FAF1: variants seen among roughly 807,000 people sequenced by gnomAD.
FAF1 encodes Fas associated factor 1.
In FAF1, 25 loss-of-function variants were observed where a neutral mutation model predicts 92.5. The ratio of observed to expected loss-of-function variants is 0.27; its 90% CI spans 0.20 to 0.38. The LOEUF (loss-of-function observed/expected upper bound fraction) is 0.38, where lower values mean the gene tolerates loss of function less well. FAF1 is among the 10% of genes least tolerant of loss of function. FAF1 has a pLI of 1.00. For synonymous variants in FAF1, 234 were observed against 273.2 expected (o/e 0.86, Z 1.42); for missense variants, 636 against 793.3 (o/e 0.80, Z 2.38).
At chr1:50,461,043 A>G (rs79197946) in intron 18 of FAF1, among the ~76,000 whole-genome samples, 7,322 of 152,254 alleles carry the variant, frequency 0.048, 214 homozygotes, top group East Asian at 0.076. Context: ...AGAGGCTCAC[A>G]AGAACTTAAC....
chr1:50,512,101 G>A (rs983984632), intron 15 of FAF1, among the ~76,000 whole-genome samples: 1 of 151,868 alleles, frequency 6.6e-6, no homozygotes, highest in Non-Finnish European at 1.5e-5. Flanking sequence ...TTTTTTTCTT[G>A]TTAACTTGTT....
chr1:50,697,434 C>T (rs1018082063), intron 7 of FAF1, among the ~76,000 whole-genome samples: 1 of 152,040 alleles, frequency 6.6e-6, no homozygotes, highest in Admixed American at 6.6e-5. Flanking sequence ...CTCTCTGGGC[C>T]CCCCTAGCAT....
chr1:50,575,394 T>G (rs1042897403), intron 12 of FAF1, among the ~76,000 whole-genome samples: 1 of 152,170 alleles, frequency 6.6e-6, no homozygotes, highest in African/African-American at 2.4e-5. Flanking sequence ...ACAGCAGGTT[T>G]GGTATGGTTG....
chr1:50,592,405 C>T (rs1651563038), intron 9 of FAF1, among the ~76,000 whole-genome samples: 2 of 151,986 alleles, frequency 1.3e-5, no homozygotes, highest in South Asian at 4.2e-4. Flanking sequence ...AAATTGTTAC[C>T]TAGCTAGGTA....
chr1:50,804,501 A>C (rs1662114699), intron 2 of FAF1, among the ~76,000 whole-genome samples: 1 of 152,196 alleles, frequency 6.6e-6, no homozygotes, highest in Non-Finnish European at 1.5e-5. Context: ...AGAAGAAACT[A>C]TAAGGAGCTA....
At chr1:50,500,744 CATAA>C (rs1223836765) in intron 15 of FAF1, among the ~76,000 whole-genome samples, 1 of 151,830 alleles carries the variant, frequency 6.6e-6, no homozygotes, top group African/African-American at 2.4e-5. Context: ...ATGTGTACCC[CATAA>C]ATATGTACAA....
intron 2 of FAF1, among the ~76,000 whole-genome samples, chr1:50,856,925 G>C (rs943236632): frequency 1.5e-4 from 22 of 151,700 alleles, no homozygotes; most frequent in African/African-American, 5.1e-4. Context: ...TTACAGAACA[G>C]AAGGTATAAA....
intron 8 of FAF1, among the ~76,000 whole-genome samples, chr1:50,653,294 T>C (rs767007592): frequency 7.2e-5 from 11 of 152,174 alleles, no homozygotes; most frequent in Non-Finnish European, 1.6e-4. Context: ...CAGAAACAAA[T>C]TTAAGCACCT....
chr1:50,837,159 T>C (rs897816091), intron 2 of FAF1, among the ~76,000 whole-genome samples: 10 of 152,184 alleles, frequency 6.6e-5, no homozygotes, highest in African/African-American at 2.2e-4. Context: ...GGTTTCACTG[T>C]GTTAGCCAGG....
At chr1:50,463,058 A>C (rs1380609715) in intron 18 of FAF1, among the ~76,000 whole-genome samples, 2 of 152,220 alleles carry the variant, frequency 1.3e-5, no homozygotes. Flanking sequence ...CATTATGCCT[A>C]AACTGTTTGT....
intron 6 of FAF1, among the ~76,000 whole-genome samples, chr1:50,738,225 C>T (rs1215493559): frequency 1.3e-5 from 2 of 151,940 alleles, no homozygotes; most frequent in East Asian, 3.9e-4. Context: ...GGGCAGATCA[C>T]CTAAGGTCAG....
At position 50,469,362 on chromosome 1, in the gene FAF1, C is replaced by T. The variant is rs922724441; in HGVS notation, c.1869+6102G>A. ...ACACCACACCTGTCTTGGTATCCCC[C>T]AAAGCTGACAGAAGAGGAGTGGGAT... On this transcript the variant is annotated intron_variant, in intron 18 of 18. Transcript: ENST00000396153. The T allele has an allele frequency of 3.3e-5, 5 of 152,176 alleles. No homozygotes were observed. The East Asian group carries it at 5.8e-4, about 18-fold the overall frequency. The allele number at this position is 152,176 out of a possible 1,614,324, so 9.4% of individuals were successfully genotyped here. A position where few individuals can be genotyped will look rare whatever the true frequency, so the allele number is the denominator to read the frequency against.
intron 7 of FAF1, among the ~76,000 whole-genome samples, chr1:50,668,825 A>G (rs1005275240): frequency 6.6e-6 from 1 of 152,196 alleles, no homozygotes; most frequent in Non-Finnish European, 1.5e-5. Flanking sequence ...CACTTAATGT[A>G]TTATTAAGAT....
At chr1:50,704,654 A>T (rs1180396846) in intron 7 of FAF1, among the ~76,000 whole-genome samples, 4 of 152,168 alleles carry the variant, frequency 2.6e-5, no homozygotes, top group Admixed American at 1.3e-4. Context: ...ATGAAATTAC[A>T]ATTTATACAT....
chr1:50,530,544 A>G (rs764078591), intron 15 of FAF1, among the ~76,000 whole-genome samples: 2 of 152,016 alleles, frequency 1.3e-5, no homozygotes, highest in Non-Finnish European at 2.9e-5. Flanking sequence ...AAAAGAATAG[A>G]AAGAATGAAT....
chr1:50,500,193 T>C (rs1436680461), intron 15 of FAF1, among the ~76,000 whole-genome samples: 2 of 152,030 alleles, frequency 1.3e-5, no homozygotes, highest in Non-Finnish European at 2.9e-5. Flanking sequence ...GGACCTACAA[T>C]AGCCAAAAGA....
intron 4 of FAF1, among the ~76,000 whole-genome samples, chr1:50,774,544 T>C (rs948280851): frequency 6.6e-6 from 1 of 152,112 alleles, no homozygotes; most frequent in African/African-American, 2.4e-5. Flanking sequence ...TCCAATATAG[T>C]AAAAGTAGCT....
chr1:50,535,379 A>G lies in FAF1; in HGVS notation c.1484T>C (p.Ile495Thr), dbSNP rs1227112079. 3 of 1,607,538 alleles carry G rather than the reference A, an allele frequency of 1.9e-6. No individual in the cohort carries two copies. Among genetic ancestry groups the G allele is most frequent in the East Asian group, 2.2e-5 (1 of 44,764 alleles). Residue 495 changes from isoleucine to threonine, a missense_variant, in exon 15 of 19, where the codon ATA becomes ACA. Ile to Thr is a moderately conservative substitution (Grantham distance 89). Around this residue, in one of 2 missense-constraint regions of FAF1, gnomAD observed 319 missense variants for 451.0 expected, o/e 0.71. Coordinates refer to ENST00000396153, the MANE Select transcript of FAF1 (RefSeq NM_007051.3). ...TCTGCATAACCTTACCTCGTCCTTTATATCTTCCTGTTGTTGGGCTGTGAA... is the reference window on the plus strand; with the variant it reads ...TCTGCATAACCTTACCTCGTCCTTTGTATCTTCCTGTTGTTGGGCTGTGAA... ...EIFTAQQQEDIKDEDEREARE... is the reference protein window; with the variant it reads ...EIFTAQQQEDTKDEDEREARE...
At chr1:50,713,936 A>G (rs1290041326) in intron 6 of FAF1, among the ~76,000 whole-genome samples, 1 of 150,854 alleles carries the variant, frequency 6.6e-6, no homozygotes, top group African/African-American at 2.4e-5. Flanking sequence ...ATGCCCAGCT[A>G]ATTTTTTTGT....
Sources: allele counts gnomAD v4.1 joint callset (sites outside exome capture counted in the v4.1 genomes callset), GRCh38; gene constraint gnomAD v4.1.1; regional missense constraint gnomAD v4.1.1; transcripts MANE v1.5; gene names NCBI Gene and HGNC (gene_info 2026-07-23, HGNC 2026-07-21).